TBC1D22A: variants seen among roughly 807,000 people sequenced by gnomAD.
The protein encoded by TBC1D22A is TBC1 domain family member 22A.
TBC1D22A carries 38 observed loss-of-function variants against 60.2 expected under a neutral mutation model. The ratio of observed to expected loss-of-function variants is 0.63; its 90% CI spans 0.49 to 0.83. The LOEUF (loss-of-function observed/expected upper bound fraction) is 0.83. Ranked by LOEUF, TBC1D22A falls within the 40% of genes least tolerant of loss-of-function variation. The pLI, the probability that TBC1D22A is intolerant of heterozygous loss-of-function variation, is 0.00. For synonymous variants in TBC1D22A, 302 were observed against 281.7 expected, an observed-to-expected ratio of 1.07 and a Z score of -0.72; for missense variants, 628 against 701.0, an observed-to-expected ratio of 0.90 and a Z score of 1.18.
At chr22:47,102,106 G>A (rs1167756476) in intron 11 of TBC1D22A, among the ~76,000 whole-genome samples, 5 of 152,210 alleles carry the variant, frequency 3.3e-5, no homozygotes, top group Non-Finnish European at 1.5e-5. Context: ...TGCCGTTGCT[G>A]CAGAACAGTC....
intron 5 of TBC1D22A, among the ~76,000 whole-genome samples, chr22:46,884,371 G>T (rs537403452): frequency 2.2e-4 from 33 of 152,330 alleles, no homozygotes; most frequent in African/African-American, 7.2e-4. Flanking sequence ...TCTGTGGAGA[G>T]GGCTTACCCG....
chr22:47,154,770 C>T (rs1286202166), intron 12 of TBC1D22A, among the ~76,000 whole-genome samples: 2 of 152,258 alleles, frequency 1.3e-5, no homozygotes, highest in Non-Finnish European at 2.9e-5. Context: ...CACACGGCTG[C>T]TCTTCCCCTC....
intron 11 of TBC1D22A, among the ~76,000 whole-genome samples, chr22:47,040,103 C>T (rs1056580916): frequency 6.6e-6 from 1 of 151,930 alleles, no homozygotes; most frequent in African/African-American, 2.4e-5. Context: ...CGCCACCACG[C>T]CCGGCTAATT....
intron 4 of TBC1D22A, among the ~76,000 whole-genome samples, chr22:46,825,022 G>A (rs2085990360): frequency 6.6e-6 from 1 of 152,092 alleles, no homozygotes; most frequent in African/African-American, 2.4e-5. Context: ...GACCTGGCCT[G>A]CCCAGCATTC....
At chr22:46,985,282 C>A (rs2074680342) in intron 9 of TBC1D22A, among the ~76,000 whole-genome samples, 2 of 152,130 alleles carry the variant, frequency 1.3e-5, no homozygotes, top group African/African-American at 4.8e-5. Context: ...GGAATGAATG[C>A]CTGGAGCGCC....
At chr22:47,141,298 T>C (rs1241094905) in intron 12 of TBC1D22A, among the ~76,000 whole-genome samples, 1 of 152,122 alleles carries the variant, frequency 6.6e-6, no homozygotes, top group Non-Finnish European at 1.5e-5. Flanking sequence ...GAGATTTGGG[T>C]GGGGACACAG....
intron 11 of TBC1D22A, among the ~76,000 whole-genome samples, chr22:47,067,403 G>A (rs370129183): frequency 5.9e-5 from 9 of 152,174 alleles, no homozygotes; most frequent in African/African-American, 1.9e-4. Context: ...TATTCATCCC[G>A]GTAATGAAGG....
At chr22:46,792,880 G>A (rs2146895961) in intron 2 of TBC1D22A, 2 of 1,429,844 alleles carry the variant, frequency 1.4e-6, no homozygotes, top group East Asian at 2.5e-5. Context: ...CATCCATGCT[G>A]GCTTGTCCTT....
intron 12 of TBC1D22A, among the ~76,000 whole-genome samples, chr22:47,150,940 G>A (rs114099083): frequency 0.013 from 1,904 of 152,318 alleles, 44 homozygotes; most frequent in African/African-American, 0.043. Context: ...ATGTGGCTGT[G>A]TGGCCAGCAC....
chr22:47,165,512 T>C (rs28716220), intron 12 of TBC1D22A, among the ~76,000 whole-genome samples: 1 of 151,966 alleles, frequency 6.6e-6, no homozygotes, highest in African/African-American at 2.4e-5. Flanking sequence ...TCTAGCCTGC[T>C]GGGCTCTGGA....
chr22:47,011,554 A>G (rs2061753616), intron 10 of TBC1D22A, among the ~76,000 whole-genome samples: 1 of 152,208 alleles, frequency 6.6e-6, no homozygotes, highest in South Asian at 2.1e-4. Flanking sequence ...TTGGGGAACT[A>G]AGGGATAAAG....
chr22:46,941,385 TACGGAATATATATAC>T (rs1315426789), intron 8 of TBC1D22A, among the ~76,000 whole-genome samples: 2,050 of 143,156 alleles, frequency 0.014, 105 homozygotes, highest in Admixed American at 0.018. Context: ...AGAATATATA[TACGGAATATATATAC>T]ACAGAATATA....
chr22:47,072,728 G>A (rs1422536482), intron 11 of TBC1D22A, among the ~76,000 whole-genome samples: 3 of 152,228 alleles, frequency 2.0e-5, no homozygotes, highest in African/African-American at 7.2e-5. Context: ...GATTTACTTG[G>A]TGTCCTGTCG....
At chr22:47,008,122 A>C (rs1482559761) in intron 10 of TBC1D22A, among the ~76,000 whole-genome samples, 1 of 152,216 alleles carries the variant, frequency 6.6e-6, no homozygotes, top group Non-Finnish European at 1.5e-5. Context: ...TTTATAATCA[A>C]GGGCACCAAA....
At chr22:47,072,600 G>A (rs1276396364) in intron 11 of TBC1D22A, among the ~76,000 whole-genome samples, 1 of 152,232 alleles carries the variant, frequency 6.6e-6, no homozygotes, top group Non-Finnish European at 1.5e-5. Context: ...ACTGTTGCAG[G>A]CACCCAGGAA....
At chr22:47,072,384 C>T (rs781064130) in intron 11 of TBC1D22A, among the ~76,000 whole-genome samples, 24 of 152,370 alleles carry the variant, frequency 1.6e-4, no homozygotes, top group Admixed American at 2.0e-4. Flanking sequence ...ATGTGCCTGT[C>T]GTGCTTCTGG....
intron 4 of TBC1D22A, among the ~76,000 whole-genome samples, chr22:46,807,608 G>C (rs2147004217): frequency 6.6e-6 from 1 of 152,230 alleles, no homozygotes; most frequent in African/African-American, 2.4e-5. Context: ...CATTTGTTTG[G>C]CATTTACTCC....
At chr22:46,930,161 T>C (rs2071274858) in intron 8 of TBC1D22A, among the ~76,000 whole-genome samples, 1 of 152,232 alleles carries the variant, frequency 6.6e-6, no homozygotes, top group Non-Finnish European at 1.5e-5. Context: ...TTTTCTTGAT[T>C]CCTGGCTCCT....
At chr22:46,880,473 G>A (rs1276828216) in intron 5 of TBC1D22A, among the ~76,000 whole-genome samples, 1 of 152,186 alleles carries the variant, frequency 6.6e-6, no homozygotes, top group Non-Finnish European at 1.5e-5. Context: ...AGCATTCTCA[G>A]AGCGTTGACT....
Sources: gnomAD v4.1 joint callset for allele counts (sites outside exome capture counted in the v4.1 genomes callset) on GRCh38, gnomAD v4.1.1 for gene constraint, MANE v1.5 for transcripts, NCBI Gene and HGNC (gene_info 2026-07-23, HGNC 2026-07-21) for gene names.